The following PCM1 variants were observed in gnomAD, a reference collection of about 807,000 sequenced individuals.
PCM1 encodes the protein pericentriolar material 1 protein.
PCM1 carries 157 observed loss-of-function variants against 241.9 expected under a neutral mutation model. The observed-to-expected ratio is 0.65, with a 90% confidence interval of 0.57 to 0.74. The LOEUF is 0.74. Among genes scored for constraint, PCM1 ranks in the 30% least tolerant of loss-of-function variants. The pLI, the probability that PCM1 is intolerant of heterozygous loss-of-function variation, is 0.00. For missense variants in PCM1, 3,478 were observed against 2,360.1 expected, an observed-to-expected ratio of 1.47 and a Z score of -9.81; for synonymous variants, 1,085 against 784.9, an observed-to-expected ratio of 1.38 and a Z score of -6.39.
In PCM1 at chr8:17,937,120, T is replaced by A. The variant is rs750440484; in HGVS notation, c.97-14T>A. Reference sequence around the variant, plus strand: ...ATACAGGCCATGTTAATTTTTGCTTTTACTTTTTTAAAGGATTGGGGTGCC... The same window carrying A: ...ATACAGGCCATGTTAATTTTTGCTTATACTTTTTTAAAGGATTGGGGTGCC... On this transcript the variant is annotated splice_polypyrimidine_tract_variant and intron_variant, in intron 3 of 38. Coordinates refer to ENST00000325083, the MANE Select transcript of PCM1 (RefSeq NM_006197.4). 1.4e-5 allele frequency: 21 copies of A among 1,536,034 alleles called. No individual in the cohort carries two copies. In the East Asian group the frequency reaches 3.1e-4, roughly 23 times the overall value.
chr8:18,016,454 A>G (rs1229400268), intron 36 of PCM1, among the ~76,000 whole-genome samples: 1 of 139,600 alleles, frequency 7.2e-6, no homozygotes, highest in Non-Finnish European at 1.6e-5. Flanking sequence ...TTAAAGTTAC[A>G]GTGGAGAAGT....
At chr8:17,956,858 T>C (rs2068741948) in intron 11 of PCM1, 81 bp downstream of exon 11, 26 of 1,096,684 alleles carry the variant, frequency 2.4e-5, no homozygotes, top group Non-Finnish European at 3.5e-5. Flanking sequence ...AATACTTCGT[T>C]GTAGTATTTA....
intron 21 of PCM1, among the ~76,000 whole-genome samples, chr8:17,968,381 C>T (rs1000850454): frequency 1.3e-5 from 2 of 151,962 alleles, no homozygotes; most frequent in Non-Finnish European, 2.9e-5. Context: ...TGAAAGTGTT[C>T]GGGAGAAGTT....
At chr8:17,992,361 A>C (rs897779178) in intron 28 of PCM1, among the ~76,000 whole-genome samples, 2 of 152,178 alleles carry the variant, frequency 1.3e-5, no homozygotes, top group African/African-American at 4.8e-5. Flanking sequence ...TTACATGCCC[A>C]CCAGCAGTGT....
At position 18,029,156 on chromosome 8, in the gene PCM1, C is replaced by CATA. The variant is rs1193987296; in HGVS notation, c.*1495_*1496insTAA. 1.8e-5 allele frequency: 1 copy of CATA among 55,848 alleles called. No individual in the cohort carries two copies. Among genetic ancestry groups the CATA allele is most frequent in the African/African-American group, 7.4e-5 (1 of 13,544 alleles). 3.5% of individuals were successfully genotyped at this position (55,848 alleles called of 1,614,324 possible). A position where few individuals can be genotyped will look rare whatever the true frequency, so the allele number is the denominator to read the frequency against. On this transcript the variant is annotated 3_prime_UTR_variant, in exon 39 of 39. Coordinates refer to ENST00000325083, the MANE Select transcript of PCM1 (RefSeq NM_006197.4). ...CTGGCAACAGAGCGAGACTCTGTCT[C>CATA]AAAAAAAAAAAAAAAAAAAAAAAAA...
At chr8:17,948,557 CCTCCCAAAGTG>C (rs1191880305) in intron 7 of PCM1, among the ~76,000 whole-genome samples, 1 of 151,996 alleles carries the variant, frequency 6.6e-6, no homozygotes, top group Non-Finnish European at 1.5e-5. Flanking sequence ...CCCGCCTTGG[CCTCCCAAAGTG>C]CTGGGATTAC....
chr8:18,020,420 G>GACTA (rs2129487809), intron 36 of PCM1, among the ~76,000 whole-genome samples: 1 of 152,240 alleles, frequency 6.6e-6, no homozygotes, highest in East Asian at 1.9e-4. Flanking sequence ...TTAATAAGTA[G>GACTA]ACTAACATTT....
rs1236484123 is a variant in PCM1 at position 18,018,859 on chromosome 8, T to TACACACAC, written c.5841+4020_5841+4021insCACACACA. Among the ~76,000 whole-genome samples, 284 of 45,992 alleles carry TACACACAC rather than the reference T, an allele frequency of 6.2e-3. 4 individuals carry two copies. The highest frequency in any genetic ancestry group is 0.028 in the South Asian group (64 of 2,268). The allele number at this position is 45,992 out of a possible 152,430, so 30.2% of individuals were successfully genotyped here. ...ATATATGTGTGTGTGTGTGTATATA[T>TACACACAC]ATATATATATATATATATATACACA... is the stretch of plus-strand genomic sequence containing the variant. On this transcript the variant is annotated intron_variant, in intron 36 of 38. Transcript: ENST00000325083.
At chr8:18,008,970 A>G (rs551827228) in intron 30 of PCM1, among the ~76,000 whole-genome samples, 5 of 152,212 alleles carry the variant, frequency 3.3e-5, no homozygotes, top group African/African-American at 9.7e-5. Flanking sequence ...ATGATCCTAT[A>G]TATCAACTTG....
At chr8:17,964,420 C>T (rs574687920) in intron 17 of PCM1, 148 bp from the exon 18 acceptor site, 5 of 578,230 alleles carry the variant, frequency 8.6e-6, no homozygotes, top group Non-Finnish European at 1.5e-5. Flanking sequence ...AGGGAGAGTG[C>T]CACCCGTAGC....
Position 17,960,374 on chromosome 8 carries a change from A to G in PCM1, c.2252A>G (p.Glu751Gly), listed in dbSNP as rs1379301247. The change falls in exon 15 of 39, where the codon GAA becomes GGA. Residue 751 changes from glutamate (E) to glycine (G), a missense_variant. Transcript: ENST00000325083. ...CAGAGAGAGCTAAAACAATTGCAGGAAGAAAGAAAGAAACTGATTGACATT... is the reference window on the plus strand; with the variant it reads ...CAGAGAGAGCTAAAACAATTGCAGGGAGAAAGAAAGAAACTGATTGACATT... ...QQQRELKQLQ[E>G]ERKKLIDIQE... The G allele has an allele frequency of 1.2e-6, 2 of 1,608,374 alleles. No homozygotes were observed. Among genetic ancestry groups the G allele is most frequent in the Non-Finnish European group, 8.5e-7 (1 of 1,178,068 alleles).
intron 31 of PCM1, among the ~76,000 whole-genome samples, chr8:18,010,229 C>G (rs971060306): frequency 6.6e-6 from 1 of 152,168 alleles, no homozygotes; most frequent in African/African-American, 2.4e-5. Context: ...GATTGGATGA[C>G]TGTTCTGCCT....
At chr8:17,943,084 T>C (rs1327680003) in intron 6 of PCM1, among the ~76,000 whole-genome samples, 1 of 152,008 alleles carries the variant, frequency 6.6e-6, no homozygotes, top group Admixed American at 6.6e-5. Flanking sequence ...ATTTTAGTAA[T>C]TGAGTATAGG....
At chr8:18,006,551 T>C (rs540128286) in intron 30 of PCM1, among the ~76,000 whole-genome samples, 154 bp downstream of exon 30, 1 of 152,326 alleles carries the variant, frequency 6.6e-6, no homozygotes, top group South Asian at 2.1e-4. Flanking sequence ...TACTTTTTAG[T>C]TGTCACTTGG....
At chr8:17,965,641 G>C (rs1402078780) in intron 18 of PCM1, among the ~76,000 whole-genome samples, 1 of 152,234 alleles carries the variant, frequency 6.6e-6, no homozygotes, top group Non-Finnish European at 1.5e-5. Context: ...ATGAATAACA[G>C]ATGGTGAAGT....
At chr8:17,982,324 C>G (rs1012182176) in intron 24 of PCM1, among the ~76,000 whole-genome samples, 25 of 152,190 alleles carry the variant, frequency 1.6e-4, no homozygotes, top group African/African-American at 6.0e-4. Context: ...GGACACTAAA[C>G]TGAAAGTCTT....
At chr8:17,991,515 C>G (rs377601802) in intron 27 of PCM1, 27 bp from the exon 28 acceptor site, 1 of 1,549,136 alleles carries the variant, frequency 6.5e-7, no homozygotes, top group East Asian at 2.3e-5. Context: ...TTTACATACT[C>G]AAAAAATATT....
At chr8:17,998,218 C>T (rs558662710) in intron 29 of PCM1, among the ~76,000 whole-genome samples, 90 of 151,842 alleles carry the variant, frequency 5.9e-4, no homozygotes, top group Middle Eastern at 3.4e-3. Flanking sequence ...TTGTTGAGGT[C>T]GTGATTTTCT....
intron 36 of PCM1, among the ~76,000 whole-genome samples, chr8:18,024,635 A>C (rs1017691870): frequency 3.9e-5 from 6 of 152,218 alleles, no homozygotes; most frequent in African/African-American, 1.4e-4. Context: ...AATTTTAGTC[A>C]GGGATCCTAC....
Sources: gnomAD v4.1 joint callset for allele counts (sites outside exome capture counted in the v4.1 genomes callset) on GRCh38, gnomAD v4.1.1 for gene constraint, MANE v1.5 for transcripts, NCBI Gene and HGNC (gene_info 2026-07-23, HGNC 2026-07-21) for gene names.